OSBPL9: variants seen among roughly 807,000 people sequenced by gnomAD.
OSBPL9 encodes oxysterol-binding protein-related protein 9.
A neutral mutation model predicts 106.6 loss-of-function variants in OSBPL9; 40 were observed. The observed-to-expected ratio is 0.38, with a 90% CI of 0.29 to 0.49. The LOEUF is 0.49. Ranked by LOEUF, OSBPL9 falls within the 20% of genes least tolerant of loss-of-function variation. The pLI is 0.97. For synonymous variants in OSBPL9, 269 were observed against 295.4 expected, an observed-to-expected ratio of 0.91 and a Z score of 0.92; for missense variants, 609 against 887.2, an observed-to-expected ratio of 0.69 and a Z score of 3.98.
At chr1:51,691,231 T>C (rs1341758692) in intron 3 of OSBPL9, among the ~76,000 whole-genome samples, 1 of 151,956 alleles carries the variant, frequency 6.6e-6, no homozygotes, top group East Asian at 1.9e-4. Flanking sequence ...ATTTAAAAAT[T>C]TTTTCTTTCT....
At chr1:51,697,004 TAAA>T (rs1656161375) in intron 3 of OSBPL9, among the ~76,000 whole-genome samples, 1 of 151,584 alleles carries the variant, frequency 6.6e-6, no homozygotes, top group Non-Finnish European at 1.5e-5. Context: ...TCTAAAAGAA[TAAA>T]AAATTAGCTG....
chr1:51,592,179 A>G (rs1042896142), intron 1 of OSBPL9, among the ~76,000 whole-genome samples: 4 of 141,636 alleles, frequency 2.8e-5, no homozygotes. Flanking sequence ...CAGTGGCGCA[A>G]TCTCGGCTCA....
At chr1:51,760,360 G>T in intron 9 of OSBPL9, 1 of 236,538 alleles carries the variant, frequency 4.2e-6, no homozygotes, top group Non-Finnish European at 8.3e-6. Context: ...AATATTTGTG[G>T]TGAATTAAGA....
intron 12 of OSBPL9, among the ~76,000 whole-genome samples, chr1:51,766,739 C>T (rs1478358026): frequency 6.6e-6 from 1 of 151,158 alleles, no homozygotes; most frequent in African/African-American, 2.4e-5. Flanking sequence ...TCAAATCTGT[C>T]TCTCTGCACT....
intron 1 of OSBPL9, among the ~76,000 whole-genome samples, chr1:51,580,456 G>A (rs1365610507): frequency 3.3e-5 from 5 of 152,144 alleles, no homozygotes; most frequent in Non-Finnish European, 5.9e-5. Context: ...CCTTTAGCAG[G>A]TCCTCTATTT....
intron 1 of OSBPL9, among the ~76,000 whole-genome samples, chr1:51,647,292 T>C (rs1646221616): frequency 6.6e-6 from 1 of 152,228 alleles, no homozygotes; most frequent in Non-Finnish European, 1.5e-5. Context: ...TCATAGTATA[T>C]AATCCTTTTT....
intron 8 of OSBPL9, among the ~76,000 whole-genome samples, chr1:51,753,765 A>G (rs1231938579): frequency 6.6e-6 from 1 of 152,208 alleles, no homozygotes; most frequent in Non-Finnish European, 1.5e-5. Flanking sequence ...TCCTATTCCC[A>G]GTAGATTCTC....
intron 3 of OSBPL9, among the ~76,000 whole-genome samples, chr1:51,712,231 C>A (rs1231227969): frequency 1.3e-5 from 2 of 152,230 alleles, no homozygotes; most frequent in African/African-American, 4.8e-5. Flanking sequence ...GCCAACACAG[C>A]GAAACCCCGT....
intron 1 of OSBPL9, among the ~76,000 whole-genome samples, chr1:51,580,279 A>C: frequency 6.6e-6 from 1 of 152,198 alleles, no homozygotes; most frequent in Admixed American, 6.5e-5. Context: ...CACTTTTCTG[A>C]ATCTGTGTTC....
chr1:51,650,287 T>G (rs1260333277), intron 1 of OSBPL9, among the ~76,000 whole-genome samples: 1 of 152,218 alleles, frequency 6.6e-6, no homozygotes, highest in African/African-American at 2.4e-5. Context: ...AATTGTGTTA[T>G]AGTAGAAGAG....
rs1167085119 is a variant in OSBPL9, at chr1:51,663,136, AT to A, written c.163-6293del. ...TTATAATAGCATCAAAAAGCATCAA[AT>A]TTTTAGGAATAAATATTAACAAAAG... On this transcript the variant is annotated intron_variant, in intron 2 of 23. Coordinates refer to ENST00000428468, the MANE Select transcript of OSBPL9 (RefSeq NM_024586.6). Among the ~76,000 whole-genome samples the A allele has an allele frequency of 5.3e-5, 8 of 152,300 alleles. No individual in the cohort carries two copies. The East Asian group carries it at 1.5e-3, about 29-fold the overall frequency.
chr1:51,556,037 G>A, the OSBPL9 span, among the ~76,000 whole-genome samples: 1 of 152,154 alleles, frequency 6.6e-6, no homozygotes, highest in African/African-American at 2.4e-5. Flanking sequence ...CACAAGTCAT[G>A]GAGTCAGACC....
At chr1:51,579,161 C>T (rs1033600183) in intron 1 of OSBPL9, among the ~76,000 whole-genome samples, 2 of 151,666 alleles carry the variant, frequency 1.3e-5, no homozygotes, top group Admixed American at 1.3e-4. Flanking sequence ...TCTTGACCCT[C>T]TCTGAGATTC....
chr1:51,767,270 G>C (rs1268019216), intron 12 of OSBPL9, among the ~76,000 whole-genome samples: 1 of 151,876 alleles, frequency 6.6e-6, no homozygotes, highest in African/African-American at 2.4e-5. Context: ...GCACACGCCT[G>C]TCGTCCTAGC....
At chr1:51,776,762 T>C in intron 14 of OSBPL9, 71 bp from the exon 15 acceptor site, 2 of 680,798 alleles carry the variant, frequency 2.9e-6, no homozygotes, top group Non-Finnish European at 2.2e-6. Flanking sequence ...TTTGTTTTCT[T>C]TTTTTTTTTT....
chr1:51,662,779 C>G (rs1468478734), intron 2 of OSBPL9, among the ~76,000 whole-genome samples: 1 of 141,576 alleles, frequency 7.1e-6, no homozygotes, highest in Non-Finnish European at 1.5e-5. Flanking sequence ...GAGTCTCGCT[C>G]TGTCGCCCAG....
rs540836686 is a variant in OSBPL9, at chr1:51,664,885, T to C, written c.163-4549T>C. Among the ~76,000 whole-genome samples the C allele has an allele frequency of 3.3e-5, 5 of 152,288 alleles. No homozygotes were observed. In the East Asian group the frequency reaches 9.6e-4, roughly 29 times the overall value. ...GTTACATTTCAATGTAGTGTTATTT[T>C]CAGATGAGATAGTATATGTAAAATG... On this transcript the variant is annotated intron_variant, in intron 2 of 23. Coordinates refer to ENST00000428468, the MANE Select transcript of OSBPL9 (RefSeq NM_024586.6).
chr1:51,748,519 A>G (rs1224735760), intron 7 of OSBPL9, 121 bp downstream of exon 7: 25 of 1,099,954 alleles, frequency 2.3e-5, no homozygotes. Context: ...TGAATATTAT[A>G]CAGGGGTGCT....
Position 51,691,258 on chromosome 1 carries a change from C to T in OSBPL9, c.241+21746C>T, listed in dbSNP as rs572309000. ...TTTCTTTCTTCAATAATAAACTAAC[C>T]TTAGCTTGCTGTAACTTTTTTTTTT... On this transcript the variant is annotated intron_variant, in intron 3 of 23. Coordinates refer to ENST00000428468, the MANE Select transcript of OSBPL9 (RefSeq NM_024586.6). Among the ~76,000 whole-genome samples, 180 of 149,034 alleles carry T rather than the reference C, an allele frequency of 1.2e-3. 1 individual carries two copies. The highest frequency in any genetic ancestry group is 7.1e-3 in the Admixed American group (106 of 14,958).
Sources: gnomAD v4.1 joint callset for allele counts (sites outside exome capture counted in the v4.1 genomes callset) on GRCh38, gnomAD v4.1.1 for gene constraint, MANE v1.5 for transcripts, NCBI Gene and HGNC (gene_info 2026-07-23, HGNC 2026-07-21) for gene names.